PARD3B: variants seen among roughly 807,000 people sequenced by gnomAD.
PARD3B encodes par-3 family cell polarity regulator beta, also known as partitioning defective 3 homolog B.
In PARD3B, 103 loss-of-function variants were observed where a neutral mutation model predicts 130.2. The observed-to-expected ratio is 0.79, with a 90% CI of 0.67 to 0.93. PARD3B has a LOEUF of 0.93. Ranked by LOEUF, PARD3B falls within the 40% of genes least tolerant of loss-of-function variation. PARD3B has a pLI of 0.00. For missense variants in PARD3B, 1,609 were observed against 1,499.2 expected (o/e 1.07, Z -1.21); for synonymous variants, 583 against 553.2 (o/e 1.05, Z -0.76).
intron 20 of PARD3B, among the ~76,000 whole-genome samples, chr2:205,478,133 G>A (rs528149968): frequency 6.6e-6 from 1 of 152,262 alleles, no homozygotes; most frequent in African/African-American, 2.4e-5. Context: ...ATTAATTCAC[G>A]TGCAATGAAT....
intron 18 of PARD3B, among the ~76,000 whole-genome samples, chr2:205,362,474 T>C (rs2044426294): frequency 6.6e-6 from 1 of 152,202 alleles, no homozygotes; most frequent in African/African-American, 2.4e-5. Flanking sequence ...GGGCAAAGAA[T>C]GTGTGTTCTG....
chr2:204,820,829 A>AG, intron 2 of PARD3B, among the ~76,000 whole-genome samples: 1 of 2,096 alleles, frequency 4.8e-4, no homozygotes, highest in Non-Finnish European at 0.013. Context: ...AAACAAAAAC[A>AG]AAAACAAACA....
intron 1 of PARD3B, among the ~76,000 whole-genome samples, chr2:204,684,035 C>T (rs911409722): frequency 3.9e-5 from 6 of 152,012 alleles, no homozygotes; most frequent in African/African-American, 1.4e-4. Context: ...TTTGATATTC[C>T]CTTTGCCACT....
At chr2:204,848,361 C>G (rs965879106) in intron 2 of PARD3B, among the ~76,000 whole-genome samples, 9 of 152,088 alleles carry the variant, frequency 5.9e-5, no homozygotes, top group African/African-American at 2.2e-4. Flanking sequence ...TTTAATTTGA[C>G]AATTATTATC....
At position 205,015,882 on chromosome 2, in the gene PARD3B, TTGC is replaced by T. The variant is rs1696109745; in HGVS notation, c.395-31696_395-31694del. Among the ~76,000 whole-genome samples, 1 of 152,196 alleles carries T rather than the reference TTGC, an allele frequency of 6.6e-6. No homozygotes were observed. Among genetic ancestry groups the T allele is most frequent in the Admixed American group, 6.5e-5 (1 of 15,270 alleles). ...CGTGAGCCTTATTATGTAAGCTTGC[TTGC>T]TGATGTCTGAAACCTGCAGCCTTGC... On this transcript the variant is annotated intron_variant, in intron 3 of 22. Coordinates refer to ENST00000406610, the MANE Select transcript of PARD3B (RefSeq NM_001302769.2). The surrounding 1 kb of genome is among the most constrained non-coding windows in gnomAD (Gnocchi z 4.5).
chr2:205,217,896 T>TTTTTTTG (rs2038031640), intron 15 of PARD3B, among the ~76,000 whole-genome samples: 1 of 101,066 alleles, frequency 9.9e-6, no homozygotes, highest in African/African-American at 3.8e-5. Context: ...ATATATATAT[T>TTTTTTTG]TTTTTTTTTA....
chr2:204,965,573 T>C (rs1442330127), intron 3 of PARD3B, among the ~76,000 whole-genome samples: 3 of 152,178 alleles, frequency 2.0e-5, no homozygotes, highest in African/African-American at 7.2e-5. Context: ...AGTCAGATGC[T>C]AAATGATGAA....
chr2:204,664,898 G>T lies in PARD3B; in HGVS notation c.121-21283G>T, dbSNP rs187909859. ...TTTCATCTCATTCTTTACCATGTTT[G>T]TTGGGCATTAGTTTAAAAGCCTAGC... On this transcript the variant is annotated intron_variant, in intron 1 of 22. Coordinates refer to ENST00000406610, the MANE Select transcript of PARD3B (RefSeq NM_001302769.2). This position sits in a 1 kb window ranked among gnomAD's most constrained non-coding sequence, Gnocchi z 5.2. Among the ~76,000 whole-genome samples, 62 of 152,212 alleles carry T rather than the reference G, an allele frequency of 4.1e-4. 1 individual carries two copies. In the East Asian group the frequency reaches 8.1e-3, roughly 20 times the overall value.
intron 3 of PARD3B, among the ~76,000 whole-genome samples, chr2:204,982,819 T>C (rs1046208623): frequency 6.6e-6 from 1 of 152,222 alleles, no homozygotes; most frequent in Non-Finnish European, 1.5e-5. Flanking sequence ...AATTAGTCAT[T>C]GTATCTGATA....
intron 3 of PARD3B, among the ~76,000 whole-genome samples, chr2:205,003,336 G>T (rs1200009833): frequency 2.0e-5 from 3 of 152,206 alleles, no homozygotes; most frequent in East Asian, 3.9e-4. Context: ...AGGTTCACAG[G>T]TTCCAGCAAT....
chr2:205,140,203 C>T (rs1450837811), intron 10 of PARD3B, among the ~76,000 whole-genome samples: 1 of 152,190 alleles, frequency 6.6e-6, no homozygotes. Flanking sequence ...CAGTTTCCTT[C>T]CTGGCTTCCG....
intron 2 of PARD3B, among the ~76,000 whole-genome samples, chr2:204,800,933 T>C (rs2042545169): frequency 6.6e-6 from 1 of 152,212 alleles, no homozygotes. Context: ...CTCGTATGGC[T>C]AGCCAGTTTT....
chr2:205,028,830 A>G (rs1161470646), intron 3 of PARD3B, among the ~76,000 whole-genome samples: 2 of 152,208 alleles, frequency 1.3e-5, no homozygotes, highest in Non-Finnish European at 2.9e-5. Context: ...AATTCAGTAA[A>G]GTTCGGGATA....
At chr2:204,897,385 G>GTTTTTTTTTTT (rs56693580) in intron 2 of PARD3B, among the ~76,000 whole-genome samples, 1 of 127,676 alleles carries the variant, frequency 7.8e-6, no homozygotes, top group Non-Finnish European at 1.6e-5. Context: ...TGTAGGTACT[G>GTTTTTTTTTTT]TTTTTTTTTT....
chr2:205,278,606 A>G (rs139556546), intron 16 of PARD3B, among the ~76,000 whole-genome samples: 66 of 152,324 alleles, frequency 4.3e-4, no homozygotes, highest in African/African-American at 1.5e-3. Context: ...AAATAAAACA[A>G]TTGCTGAGCA....
intron 3 of PARD3B, among the ~76,000 whole-genome samples, chr2:204,984,116 A>T (rs1213857761): frequency 6.6e-6 from 1 of 151,992 alleles, no homozygotes; most frequent in African/African-American, 2.4e-5. Context: ...AAAACATCTA[A>T]ATCAAAATTA....
At position 204,548,950 on chromosome 2, in the gene PARD3B, G is replaced by A. The variant is rs192906959; in HGVS notation, c.120+2831G>A. Among the ~76,000 whole-genome samples, 226 of 152,320 alleles carry A rather than the reference G, an allele frequency of 1.5e-3. 2 individuals are homozygous for A. Among genetic ancestry groups the A allele is most frequent in the African/African-American group, 5.1e-3 (212 of 41,582 alleles). ...CACTGAGTAATGTAGATGGGAGAAA[G>A]ACAGGTTTCAAGATTGAGGATGAAG... is the stretch of plus-strand genomic sequence containing the variant. On this transcript the variant is annotated intron_variant, in intron 1 of 22. Transcript: ENST00000406610.
At chr2:204,732,568 A>C (rs1477281588) in intron 2 of PARD3B, among the ~76,000 whole-genome samples, 1 of 149,764 alleles carries the variant, frequency 6.7e-6, no homozygotes, top group Non-Finnish European at 1.5e-5. Flanking sequence ...GCAGTGGTGC[A>C]ATCTCAGCTC....
intron 1 of PARD3B, among the ~76,000 whole-genome samples, chr2:204,559,468 G>A (rs903627774): frequency 6.6e-6 from 1 of 152,144 alleles, no homozygotes; most frequent in African/African-American, 2.4e-5. Flanking sequence ...TCAGAGAAAT[G>A]CAAATTAAAA....
Sources: gnomAD v4.1 joint callset for allele counts (sites outside exome capture counted in the v4.1 genomes callset) on GRCh38, gnomAD v4.1.1 for gene constraint, Gnocchi (gnomAD v3.1) non-coding constraint, MANE v1.5 for transcripts, NCBI Gene and HGNC (gene_info 2026-07-23, HGNC 2026-07-21) for gene names.